Variants in KCNU1 observed in about 807,000 individuals in gnomAD.
The protein encoded by KCNU1 is potassium channel subfamily U member 1.
A neutral mutation model predicts 126.8 loss-of-function variants in KCNU1; 93 were observed. That is an observed-to-expected ratio of 0.73 (90% confidence interval 0.62 to 0.87). The LOEUF is 0.87. Among genes scored for constraint, KCNU1 ranks in the 40% least tolerant of loss-of-function variants. KCNU1 has a pLI of 0.00. For missense variants in KCNU1, 1,330 were observed against 1,367.1 expected, an observed-to-expected ratio of 0.97 and a Z score of 0.43; for synonymous variants, 523 against 494.2, an observed-to-expected ratio of 1.06 and a Z score of -0.77.
chr8:36,833,954 G>C (rs1804654001), intron 11 of KCNU1, among the ~76,000 whole-genome samples: 1 of 152,136 alleles, frequency 6.6e-6, no homozygotes, highest in African/African-American at 2.4e-5. Context: ...GTCTGAAAAA[G>C]GTATGGATAG....
intron 10 of KCNU1, 44 bp from the exon 11 acceptor site, chr8:36,833,510 A>G (rs367804085): frequency 5.3e-6 from 6 of 1,135,904 alleles, no homozygotes; most frequent in Non-Finnish European, 6.7e-6. Context: ...CCCAGAGTCA[A>G]TCATCTTTTT....
intron 10 of KCNU1, 134 bp from the exon 11 acceptor site, chr8:36,833,420 T>C (rs1804627707): frequency 2.0e-6 from 1 of 491,632 alleles, no homozygotes; most frequent in Middle Eastern, 3.1e-4. Flanking sequence ...AAAAAAATAG[T>C]ATTAACTTGA....
At chr8:36,929,000 T>C (rs922101435) in intron 24 of KCNU1, 1 of 699,424 alleles carries the variant, frequency 1.4e-6, no homozygotes, top group African/African-American at 1.8e-5. Context: ...AATTTAGCAA[T>C]GTGTGCAGTA....
intron 19 of KCNU1, 88 bp from the exon 20 acceptor site, chr8:36,905,620 C>A: frequency 1.3e-6 from 1 of 782,922 alleles, no homozygotes; most frequent in South Asian, 1.4e-5. Flanking sequence ...CCTCTTTGAG[C>A]TCAAGGCTCT....
intron 2 of KCNU1, among the ~76,000 whole-genome samples, chr8:36,794,055 CA>C (rs747930765): frequency 0.1 from 6,679 of 65,052 alleles, 338 homozygotes; most frequent in African/African-American, 0.3. Context: ...CTCTGTCTCT[CA>C]AAAAAAAAAA....
intron 18 of KCNU1, among the ~76,000 whole-genome samples, chr8:36,854,071 G>C (rs1480933511): frequency 1.3e-5 from 2 of 152,012 alleles, no homozygotes; most frequent in Non-Finnish European, 2.9e-5. Context: ...TATTGTTTCA[G>C]ATTAGAAATA....
At chr8:36,917,328 TATTTTCCC>T (rs1808152675) in intron 22 of KCNU1, among the ~76,000 whole-genome samples, 1 of 151,324 alleles carries the variant, frequency 6.6e-6, no homozygotes, top group Non-Finnish European at 1.5e-5. Flanking sequence ...CATGGCACCC[TATTTTCCC>T]ATTTTCCCCA....
At chr8:36,815,514 CT>C (rs1563272393) in intron 8 of KCNU1, 81 bp from the exon 9 acceptor site, 7 of 665,174 alleles carry the variant, frequency 1.1e-5, no homozygotes, top group Non-Finnish European at 1.8e-5. Flanking sequence ...ATGTACCCTC[CT>C]TTTCCTTTCT....
intron 3 of KCNU1, 32 bp from the exon 4 acceptor site, chr8:36,805,163 A>G (rs372618474): frequency 6.6e-7 from 1 of 1,512,148 alleles, no homozygotes; most frequent in Non-Finnish European, 9.1e-7. Flanking sequence ...AAAAATGTTG[A>G]TCTTCACAAA....
At chr8:36,815,713 C>G (rs1474268373) in intron 9 of KCNU1, 26 bp downstream of exon 9, 1 of 1,326,470 alleles carries the variant, frequency 7.5e-7, no homozygotes, top group Admixed American at 2.0e-5. Context: ...AGTATAATTT[C>G]TACAGTTTAA....
chr8:36,853,227 G>A (rs903930601), intron 18 of KCNU1, among the ~76,000 whole-genome samples: 4 of 152,160 alleles, frequency 2.6e-5, no homozygotes, highest in African/African-American at 9.7e-5. Flanking sequence ...GCACATGCTT[G>A]TAGTCCCGGC....
At chr8:36,874,318 T>G (rs1806205616) in intron 19 of KCNU1, among the ~76,000 whole-genome samples, 1 of 152,208 alleles carries the variant, frequency 6.6e-6, no homozygotes, top group Non-Finnish European at 1.5e-5. Flanking sequence ...TTTTCCTAAA[T>G]GCTATTCTGT....
intron 19 of KCNU1, among the ~76,000 whole-genome samples, chr8:36,868,019 G>A (rs1002511134): frequency 3.1e-4 from 47 of 152,246 alleles, no homozygotes; most frequent in African/African-American, 1.0e-3. Context: ...AATCAAGGTA[G>A]GTTTGCATGA....
At chr8:36,912,978 A>G (rs1482705359) in intron 22 of KCNU1, among the ~76,000 whole-genome samples, 1 of 150,196 alleles carries the variant, frequency 6.7e-6, no homozygotes, top group Non-Finnish European at 1.5e-5. Context: ...AAAAAAAAAA[A>G]AGCTTATAAA....
chr8:36,895,263 GA>G (rs1001540832), intron 19 of KCNU1, among the ~76,000 whole-genome samples: 6 of 151,974 alleles, frequency 3.9e-5, no homozygotes, highest in Admixed American at 6.6e-5. Context: ...ATTTTTAGTA[GA>G]GATGGGGTTT....
At chr8:36,898,533 C>G (rs551858621) in intron 19 of KCNU1, among the ~76,000 whole-genome samples, 1 of 151,886 alleles carries the variant, frequency 6.6e-6, no homozygotes, top group South Asian at 2.1e-4. Context: ...TCAGATATCT[C>G]ATGCTCCGAT....
intron 20 of KCNU1, 142 bp downstream of exon 20, chr8:36,905,946 A>G (rs898555779): frequency 3.7e-6 from 2 of 539,208 alleles, no homozygotes; most frequent in Admixed American, 3.7e-5. Context: ...CACATCCCTC[A>G]CCAGCCATAA....
Position 36,836,276 on chromosome 8 carries a change from A to T in KCNU1, c.1296-20A>T, listed in dbSNP as rs2130557111. ...TTGGCTATGACACATGACTAATGAG[A>T]GTGTTTGGGGTTTATATAGGGTGCT... is the stretch of plus-strand genomic sequence containing the variant. On this transcript the variant is annotated intron_variant, in intron 12 of 26. Transcript: ENST00000399881. 1 of 1,523,698 alleles carries T rather than the reference A, an allele frequency of 6.6e-7. No individual in the cohort carries two copies. The highest frequency in any genetic ancestry group is 2.3e-5 in the East Asian group (1 of 44,326). 94.4% of individuals were successfully genotyped at this position (1,523,698 alleles called of 1,614,324 possible). A position where few individuals can be genotyped will look rare whatever the true frequency, so the allele number is the denominator to read the frequency against.
At chr8:36,830,738 GA>G (rs1243871852) in intron 10 of KCNU1, among the ~76,000 whole-genome samples, 2 of 150,928 alleles carry the variant, frequency 1.3e-5, no homozygotes, top group African/African-American at 2.4e-5. Context: ...TGTTTTGAGA[GA>G]TTTTTTTCTT....
Sources: gnomAD v4.1 joint callset for allele counts (sites outside exome capture counted in the v4.1 genomes callset) on GRCh38, gnomAD v4.1.1 for gene constraint, MANE v1.5 for transcripts, NCBI Gene and HGNC (gene_info 2026-07-23, HGNC 2026-07-21) for gene names.